PIKFYVE: variants seen among roughly 807,000 people sequenced by gnomAD.
PIKFYVE encodes 1-phosphatidylinositol 3-phosphate 5-kinase.
PIKFYVE carries 122 observed loss-of-function variants against 257.9 expected under a neutral mutation model. The observed-to-expected ratio is 0.47, with a 90% CI of 0.41 to 0.55. The LOEUF is 0.55. Ranked by LOEUF, PIKFYVE falls within the 20% of genes least tolerant of loss-of-function variation. PIKFYVE has a pLI of 0.00. For missense variants in PIKFYVE, 2,160 were observed against 2,536.6 expected, an observed-to-expected ratio of 0.85 and a Z score of 3.19; for synonymous variants, 892 against 868.9, an observed-to-expected ratio of 1.03 and a Z score of -0.47.
At chr2:208,325,163 A>G (rs2125580702) in intron 19 of PIKFYVE, 107 bp from the exon 20 acceptor site, 3 of 1,564,064 alleles carry the variant, frequency 1.9e-6, no homozygotes, top group Non-Finnish European at 2.6e-6. Context: ...GATCTTATTC[A>G]TGTAAGAGTT....
chr2:208,354,815 A>G (rs2125839851), intron 41 of PIKFYVE, among the ~76,000 whole-genome samples, 170 bp downstream of exon 41: 1 of 152,368 alleles, frequency 6.6e-6, no homozygotes, highest in Non-Finnish European at 1.5e-5. Context: ...AGGTGGGGAA[A>G]TATTGGGTGT....
rs770718641 is a variant in PIKFYVE at position 208,285,721 on chromosome 2, C to G, written c.614-5C>G. ...CTTGTTTTTGTTTTTGTTTTTTTCT[C>G]CTAGGAGACCTCCGAGCTTGCACAT... On this transcript the variant is annotated splice_region_variant and splice_polypyrimidine_tract_variant and intron_variant, in intron 5 of 41. Coordinates refer to ENST00000264380, the MANE Select transcript of PIKFYVE (RefSeq NM_015040.4). 1.2e-6 allele frequency: 2 copies of G among 1,611,998 alleles called. No individual in the cohort carries two copies. Among genetic ancestry groups the G allele is most frequent in the Admixed American group, 3.3e-5 (2 of 60,002 alleles).
chr2:208,352,350 G>GT (rs10717573), intron 38 of PIKFYVE, among the ~76,000 whole-genome samples: 103 of 148,794 alleles, frequency 6.9e-4, no homozygotes, highest in African/African-American at 1.1e-3. Context: ...ATAGTTTTGG[G>GT]TTTTTTTTTT....
intron 7 of PIKFYVE, among the ~76,000 whole-genome samples, chr2:208,298,375 T>G (rs984409246): frequency 2.6e-5 from 4 of 152,220 alleles, no homozygotes; most frequent in Admixed American, 2.6e-4. Context: ...TACTTTCTTT[T>G]AAACTTATTT....
chr2:208,276,685 G>T, intron 3 of PIKFYVE, 27 bp from the exon 4 acceptor site: 1 of 1,540,688 alleles, frequency 6.5e-7, no homozygotes, highest in Non-Finnish European at 9.0e-7. Flanking sequence ...CTGTTAACAA[G>T]GTTGCTTTTT....
In PIKFYVE at chr2:208,293,975, G is replaced by A. The variant is rs1692643139; in HGVS notation, c.912-4666G>A. Among the ~76,000 whole-genome samples the A allele has an allele frequency of 3.3e-5, 5 of 152,228 alleles. No individual in the cohort carries two copies. In the South Asian group the frequency reaches 1.0e-3, roughly 32 times the overall value. Reference sequence around the variant, plus strand: ...CTTGGCATCTGACATTAATTTGTGGGAAATTCTCAGTGATTATGGCTTCAA... The same window carrying A: ...CTTGGCATCTGACATTAATTTGTGGAAAATTCTCAGTGATTATGGCTTCAA... On this transcript the variant is annotated intron_variant, in intron 7 of 41. Coordinates refer to ENST00000264380, the MANE Select transcript of PIKFYVE (RefSeq NM_015040.4).
chr2:208,352,105 A>C (rs7592472), intron 38 of PIKFYVE, among the ~76,000 whole-genome samples: 112,294 of 152,144 alleles, frequency 0.74, 43,656 homozygotes, highest in East Asian at 0.93. Context: ...GCCTTTAATT[A>C]GTTTATATAA....
Position 208,324,924 on chromosome 2 carries a change from G to T in PIKFYVE, c.2345G>T (p.Arg782Leu), listed in dbSNP as rs376925639. The change falls in exon 19 of 42, where the codon CGA (arginine) becomes CTA (leucine). Residue 782 changes from arginine (R) to leucine (L), a missense_variant. Arg to Leu is a moderately radical substitution (Grantham distance 102). Coordinates refer to ENST00000264380, the MANE Select transcript of PIKFYVE (RefSeq NM_015040.4). ...VINVKSQVLE[R>L]ISRMTQGDLV... ...TCTGTTTTGTAGCAAGTTTTGGAAC[G>T]AATCAGTCGAATGACCCAAGGTGAT... The T allele has an allele frequency of 6.2e-6, 10 of 1,613,760 alleles. No individual in the cohort carries two copies. The highest frequency in any genetic ancestry group is 6.8e-6 in the Non-Finnish European group (8 of 1,179,902).
At chr2:208,307,055 A>AGGC (rs2125385101) in intron 12 of PIKFYVE, among the ~76,000 whole-genome samples, 1 of 152,334 alleles carries the variant, frequency 6.6e-6, no homozygotes, top group African/African-American at 2.4e-5. Context: ...CTGGGATTAC[A>AGGC]GGCATAAGCC....
At chr2:208,320,944 G>A (rs185123405) in intron 17 of PIKFYVE, among the ~76,000 whole-genome samples, 27 of 152,284 alleles carry the variant, frequency 1.8e-4, no homozygotes, top group African/African-American at 6.5e-4. Flanking sequence ...AGGCACACCC[G>A]CATCTCTGTG....
At chr2:208,323,096 ATTTTTTATT>A (rs1696481483) in intron 17 of PIKFYVE, among the ~76,000 whole-genome samples, 2 of 145,190 alleles carry the variant, frequency 1.4e-5, no homozygotes, top group African/African-American at 5.1e-5. Flanking sequence ...TTTTTATTTT[ATTTTTTATT>A]TTATTATTAT....
Position 208,302,329 on chromosome 2 carries a change from G to A in PIKFYVE, c.1296G>A (p.Glu432=), listed in dbSNP as rs1278628927. The change falls in exon 10 of 42, where the codon GAG becomes GAA. Residue 432 remains glutamate (E), a synonymous_variant. Transcript: ENST00000264380. Reference sequence around the variant, plus strand: ...ATCACGACCAGCTTTTCAGAGATGAGTATGCGCTGTATAGACCACTGCAGG... The same window carrying A: ...ATCACGACCAGCTTTTCAGAGATGAATATGCGCTGTATAGACCACTGCAGG... ...VSHHDQLFRD[E]YALYRPLQST... 1 of 1,614,052 alleles carries A rather than the reference G, an allele frequency of 6.2e-7. No homozygotes were observed. Among genetic ancestry groups the A allele is most frequent in the South Asian group, 1.1e-5 (1 of 91,082 alleles).
intron 5 of PIKFYVE, among the ~76,000 whole-genome samples, chr2:208,283,781 A>T (rs1320971848): frequency 6.6e-6 from 1 of 152,086 alleles, no homozygotes; most frequent in Non-Finnish European, 1.5e-5. Context: ...GTGGGGTCTC[A>T]CCATGTAGCC....
At chr2:208,267,835 G>C (rs1240849456) in intron 1 of PIKFYVE, among the ~76,000 whole-genome samples, 2 of 152,152 alleles carry the variant, frequency 1.3e-5, no homozygotes, top group African/African-American at 4.8e-5. Flanking sequence ...CTGGAGTGAA[G>C]TGGTGTGATC....
At chr2:208,292,798 G>A (rs1010355266) in intron 7 of PIKFYVE, among the ~76,000 whole-genome samples, 3 of 151,866 alleles carry the variant, frequency 2.0e-5, no homozygotes, top group Non-Finnish European at 4.4e-5. Context: ...ATCTGTATGT[G>A]TCTTTGTATT....
Position 208,342,635 on chromosome 2 carries a change from T to C in PIKFYVE, c.5013T>C (p.Ile1671=), listed in dbSNP as rs1289539038. Residue 1671 remains isoleucine, a synonymous_variant, in exon 32 of 42, where the codon ATT becomes ATC. Transcript: ENST00000264380. Reference sequence around the variant, plus strand: ...GCGAGAAGGAACCCAGCTCCATCATTGCTTTTGCTCTCAGGTATTATTCAT... The same window carrying C: ...GCGAGAAGGAACCCAGCTCCATCATCGCTTTTGCTCTCAGGTATTATTCAT... ...AVCEKEPSSI[I]AFALSCKEYR... The C allele has an allele frequency of 1.2e-6, 2 of 1,610,968 alleles. No homozygotes were observed. Among genetic ancestry groups the C allele is most frequent in the African/African-American group, 2.7e-5 (2 of 74,868 alleles).
At chr2:208,269,563 TG>T in intron 1 of PIKFYVE, 1 of 283,708 alleles carries the variant, frequency 3.5e-6, no homozygotes, top group Non-Finnish European at 7.1e-6. Flanking sequence ...GGCTGCTGCC[TG>T]GAGCATGGGC....
Position 208,273,734 on chromosome 2 carries a change from G to T in PIKFYVE, c.322+1G>T, listed in dbSNP as rs1189539018. 2.5e-6 allele frequency: 4 copies of T among 1,614,074 alleles called. No individual in the cohort carries two copies. Among genetic ancestry groups the T allele is most frequent in the Non-Finnish European group, 1.7e-6 (2 of 1,179,944 alleles). On this transcript the variant is annotated splice_donor_variant, in intron 3 of 41. Coordinates refer to ENST00000264380, the MANE Select transcript of PIKFYVE (RefSeq NM_015040.4). LOFTEE classifies it high-confidence loss of function. The stretch of plus-strand genomic sequence containing the variant: ...CTCCAGCGGCGCTCTTCAGCATTAG[G>T]TAAAACAGTGTTCTTATTTCATTCC...
intron 35 of PIKFYVE, among the ~76,000 whole-genome samples, chr2:208,349,284 A>G (rs1434713364): frequency 6.6e-6 from 1 of 152,162 alleles, no homozygotes; most frequent in Non-Finnish European, 1.5e-5. Context: ...TGGAAGGCAT[A>G]GATGCTTCAA....
Sources: allele counts gnomAD v4.1 joint callset (sites outside exome capture counted in the v4.1 genomes callset), GRCh38; gene constraint gnomAD v4.1.1; transcripts MANE v1.5; gene names NCBI Gene and HGNC (gene_info 2026-07-23, HGNC 2026-07-21).